Variants in ZMYM5 observed in about 807,000 individuals in gnomAD.
ZMYM5 encodes the protein zinc finger MYM-type containing 5.
ZMYM5 carries 41 observed loss-of-function variants against 61.8 expected under a neutral mutation model. The ratio of observed to expected loss-of-function variants is 0.66; its 90% confidence interval spans 0.52 to 0.86. ZMYM5 has a LOEUF of 0.86. ZMYM5 is among the 40% of genes least tolerant of loss of function. ZMYM5 has a pLI of 0.00. For synonymous variants in ZMYM5, 257 were observed against 276.4 expected (o/e 0.93, Z 0.70); for missense variants, 706 against 786.7 (o/e 0.90, Z 1.23).
At position 19,840,454 on chromosome 13, in the gene ZMYM5, G is replaced by C. The variant is rs564794423; in HGVS notation, c.587-1469C>G. On this transcript the variant is annotated intron_variant, in intron 4 of 7. Transcript: ENST00000337963. ...AGTGGCATGATCACAGCTTACTGCA[G>C]CCTTGAACTCCTGGGCTCAAGCGAT... 4.6e-4 allele frequency among the ~76,000 whole-genome samples: 70 copies of C among 152,290 alleles called. 1 individual carries two copies. The highest frequency in any genetic ancestry group is 1.6e-3 in the African/African-American group (65 of 41,564).
chr13:19,824,176 C>T lies in ZMYM5; in HGVS notation c.*301G>A, dbSNP rs919127718. ...TTAACCAAACCCATCAAATGGCAGT[C>T]ATTAAATGCCAATTTTTAAATAGGT... On this transcript the variant is annotated 3_prime_UTR_variant, in exon 8 of 8. Coordinates refer to ENST00000337963, the MANE Select transcript of ZMYM5 (RefSeq NM_001142684.2). 6.3e-5 allele frequency: 10 copies of T among 157,544 alleles called. No individual in the cohort carries two copies. Among genetic ancestry groups the T allele is most frequent in the African/African-American group, 2.4e-4 (10 of 41,470 alleles). 9.8% of individuals were successfully genotyped at this position (157,544 alleles called of 1,614,324 possible). A position where few individuals can be genotyped will look rare whatever the true frequency, so the allele number is the denominator to read the frequency against.
rs1257740118 is a variant in ZMYM5, at chr13:19,823,528, C to T, written c.*949G>A. 6.6e-6 allele frequency: 1 copy of T among 151,922 alleles called. No individual in the cohort carries two copies. Among genetic ancestry groups the T allele is most frequent in the Non-Finnish European group, 1.5e-5 (1 of 67,990 alleles). The allele number at this position is 151,922 out of a possible 1,614,324, so 9.4% of individuals were successfully genotyped here. ...TTAATATTTTTTATATTTTTATCAACATAAAATAGGTAAATATAGTTCACA... is the reference window on the plus strand; with the variant it reads ...TTAATATTTTTTATATTTTTATCAATATAAAATAGGTAAATATAGTTCACA... On this transcript the variant is annotated 3_prime_UTR_variant, in exon 8 of 8. Transcript: ENST00000337963.
intron 2 of ZMYM5, among the ~76,000 whole-genome samples, chr13:19,858,069 G>A (rs967582085): frequency 6.6e-6 from 1 of 150,598 alleles, no homozygotes; most frequent in African/African-American, 2.4e-5. Context: ...GGTGGTGCAC[G>A]CCTGTAATCC....
chr13:19,860,887 G>GC (rs1953725910), intron 2 of ZMYM5, among the ~76,000 whole-genome samples: 1 of 151,288 alleles, frequency 6.6e-6, no homozygotes. Context: ...TCTCAGGTGG[G>GC]GGGGGGGGAA....
chr13:19,834,455 ATTTT>A (rs529910957), intron 7 of ZMYM5, among the ~76,000 whole-genome samples: 2 of 145,744 alleles, frequency 1.4e-5, no homozygotes, highest in Non-Finnish European at 3.0e-5. Flanking sequence ...CCACATTTTA[ATTTT>A]TTTTTTTTTG....
chr13:19,854,639 A>C lies in ZMYM5; in HGVS notation c.-10-2449T>G, dbSNP rs553070215. Among the ~76,000 whole-genome samples, 512 of 151,064 alleles carry C rather than the reference A, an allele frequency of 3.4e-3. 3 individuals carry two copies. The highest frequency in any genetic ancestry group is 0.026 in the South Asian group (124 of 4,784). ...TAAGACTTCGTCTCAAAAAAAAAAA[A>C]AAAAAACCTCAATGTAATCTATAAT... On this transcript the variant is annotated intron_variant, in intron 2 of 7. Coordinates refer to ENST00000337963, the MANE Select transcript of ZMYM5 (RefSeq NM_001142684.2).
chr13:19,848,210 C>T (rs1463464878), intron 4 of ZMYM5, among the ~76,000 whole-genome samples: 1 of 151,878 alleles, frequency 6.6e-6, no homozygotes, highest in Non-Finnish European at 1.5e-5. Context: ...GTCTTGAACT[C>T]CTGACCTCAG....
chr13:19,853,455 C>A (rs1953385946), intron 2 of ZMYM5, among the ~76,000 whole-genome samples: 1 of 151,740 alleles, frequency 6.6e-6, no homozygotes, highest in South Asian at 2.1e-4. Flanking sequence ...CCTCAATTTT[C>A]AATTTTTTTT....
At chr13:19,854,050 G>A (rs970887847) in intron 2 of ZMYM5, among the ~76,000 whole-genome samples, 1 of 151,896 alleles carries the variant, frequency 6.6e-6, no homozygotes, top group African/African-American at 2.4e-5. Context: ...TCACTCTATC[G>A]CCAGGCCAGA....
chr13:19,841,703 T>C (rs1952884287), intron 4 of ZMYM5: 1 of 152,152 alleles, frequency 6.6e-6, no homozygotes, highest in Admixed American at 6.5e-5. Flanking sequence ...AGCTTTTTTT[T>C]TTTTGTACTG....
intron 4 of ZMYM5, among the ~76,000 whole-genome samples, chr13:19,847,642 CT>C (rs61154366): frequency 0.1 from 14,639 of 140,658 alleles, 883 homozygotes; most frequent in African/African-American, 0.18. Context: ...TTTAATTTTT[CT>C]TTTTTTTTTT....
At chr13:19,850,400 GAC>G (rs1022722501) in intron 4 of ZMYM5, among the ~76,000 whole-genome samples, 2 of 152,136 alleles carry the variant, frequency 1.3e-5, no homozygotes, top group African/African-American at 4.8e-5. Flanking sequence ...AGGAGTTTGA[GAC>G]CAGCCTGGCC....
At chr13:19,844,477 CAG>C (rs1217283271) in intron 4 of ZMYM5, among the ~76,000 whole-genome samples, 2 of 152,238 alleles carry the variant, frequency 1.3e-5, no homozygotes, top group African/African-American at 4.8e-5. Flanking sequence ...AAATGGGTGA[CAG>C]ATGTGAATTT....
intron 6 of ZMYM5, among the ~76,000 whole-genome samples, chr13:19,836,813 A>G (rs1488382372): frequency 6.6e-6 from 1 of 152,126 alleles, no homozygotes. Flanking sequence ...TTAGTTACCA[A>G]AGACTTTTAT....
intron 7 of ZMYM5, among the ~76,000 whole-genome samples, chr13:19,826,384 G>A (rs1216371730): frequency 6.6e-6 from 1 of 151,682 alleles, no homozygotes; most frequent in Non-Finnish European, 1.5e-5. Flanking sequence ...GAAACTGGAA[G>A]TTTGTCAAAA....
rs184010875 is a variant in ZMYM5, at chr13:19,824,319, C to G, written c.*158G>C. ...GTTTTAGATTTAGAATGGAAACATT[C>G]TTTGCTATTTATTTGCTATCATACT... On this transcript the variant is annotated 3_prime_UTR_variant, in exon 8 of 8. Coordinates refer to ENST00000337963, the MANE Select transcript of ZMYM5 (RefSeq NM_001142684.2). 2.4e-6 allele frequency: 1 copy of G among 417,730 alleles called. No individual in the cohort carries two copies. Among genetic ancestry groups the G allele is most frequent in the East Asian group, 1.4e-4 (1 of 7,044 alleles). 25.9% of individuals were successfully genotyped at this position (417,730 alleles called of 1,614,324 possible).
intron 2 of ZMYM5, among the ~76,000 whole-genome samples, chr13:19,856,519 A>C (rs1953517171): frequency 6.6e-6 from 1 of 152,078 alleles, no homozygotes; most frequent in African/African-American, 2.4e-5. Flanking sequence ...GCATGCCCGT[A>C]ATCCCAGCTA....
chr13:19,840,575 T>G (rs140201674), intron 4 of ZMYM5, among the ~76,000 whole-genome samples: 5 of 152,118 alleles, frequency 3.3e-5, no homozygotes, highest in African/African-American at 9.7e-5. Context: ...GGTCTCACTA[T>G]GTTGCCCAGG....
Position 19,838,757 on chromosome 13 carries a change from C to G in ZMYM5, c.815G>C (p.Cys272Ser). ...ACGTTTATGAGAGAAGGAAGAAAGG[C>G]AGGTGGTAGAGCAAAAGAGGTGAGC... ...GSAHLFCSTT[C>S]LSSFSHKRTQ... The change falls in exon 5 of 8, where the codon TGC becomes TCC. Residue 272 changes from cysteine (C) to serine (S), a missense_variant. This residue lies in a region of ZMYM5 where 480 missense variants were observed against 461.7 expected (regional missense o/e 1.04). Transcript: ENST00000337963. The G allele has an allele frequency of 6.2e-7, 1 of 1,614,168 alleles. No homozygotes were observed. Among genetic ancestry groups the G allele is most frequent in the Non-Finnish European group, 8.5e-7 (1 of 1,180,028 alleles).
Sources: allele counts gnomAD v4.1 joint callset (sites outside exome capture counted in the v4.1 genomes callset), GRCh38; gene constraint gnomAD v4.1.1; regional missense constraint gnomAD v4.1.1; transcripts MANE v1.5; gene names NCBI Gene and HGNC (gene_info 2026-07-23, HGNC 2026-07-21).